The following MFSD6 variants were observed in gnomAD, a reference collection of about 807,000 sequenced individuals.
The protein encoded by MFSD6 is major facilitator superfamily domain-containing protein 6.
Under a neutral mutation model 56.3 loss-of-function variants are expected in MFSD6, and 26 were observed. The ratio of observed to expected loss-of-function variants is 0.46; its 90% confidence interval spans 0.34 to 0.64. The LOEUF (loss-of-function observed/expected upper bound fraction) is 0.64. Ranked by LOEUF, MFSD6 falls within the 30% of genes least tolerant of loss-of-function variation. The probability of loss-of-function intolerance (pLI) is 0.01; values close to 1 mark genes in which losing one functional copy is unlikely to be tolerated. For synonymous variants in MFSD6, 331 were observed against 366.9 expected (o/e 0.90, Z 1.12); for missense variants, 750 against 986.2 (o/e 0.76, Z 3.21).
chr2:190,493,734 C>T (rs1383806282), intron 6 of MFSD6, among the ~76,000 whole-genome samples: 1 of 152,070 alleles, frequency 6.6e-6, no homozygotes, highest in Non-Finnish European at 1.5e-5. Context: ...CAAAACCATG[C>T]AAATAAATGG....
chr2:190,467,740 A>G lies in MFSD6; in HGVS notation c.1533-2018A>G, dbSNP rs553070866. ...AGAATAATAGTTTCTACATGTTTAAATGGTTGAAAAAAAACACAAGAAGAA... is the reference window on the plus strand; with the variant it reads ...AGAATAATAGTTTCTACATGTTTAAGTGGTTGAAAAAAAACACAAGAAGAA... On this transcript the variant is annotated intron_variant, in intron 3 of 7. Coordinates refer to ENST00000392328, the MANE Select transcript of MFSD6 (RefSeq NM_017694.4). This position sits in a 1 kb window ranked among gnomAD's most constrained non-coding sequence, Gnocchi z 5.5. Among the ~76,000 whole-genome samples, 1 of 152,268 alleles carries G rather than the reference A, an allele frequency of 6.6e-6. No individual in the cohort carries two copies. The highest frequency in any genetic ancestry group is 1.5e-5 in the Non-Finnish European group (1 of 68,022).
At chr2:190,472,297 G>GGAAGAAGTTCAAACCCATGGC (rs764258795) in intron 4 of MFSD6, among the ~76,000 whole-genome samples, 68 of 152,182 alleles carry the variant, frequency 4.5e-4, no homozygotes, top group Non-Finnish European at 7.9e-4. Flanking sequence ...CCGAGCTAAA[G>GGAAGAAGTTCAAACCCATGGC]GAAGAAGTTC....
In MFSD6 at chr2:190,494,770, G is replaced by A. The variant is rs527695468; in HGVS notation, c.1892-2669G>A. ...AAATCACATGATCATCTCAGTAGAC[G>A]CAGAAAAAGCATTTGATGAAATCCA... On this transcript the variant is annotated intron_variant, in intron 6 of 7. Coordinates refer to ENST00000392328, the MANE Select transcript of MFSD6 (RefSeq NM_017694.4). This position sits in a 1 kb window ranked among gnomAD's most constrained non-coding sequence, Gnocchi z 5.7. Among the ~76,000 whole-genome samples, 6 of 152,194 alleles carry A rather than the reference G, an allele frequency of 3.9e-5. No individual in the cohort carries two copies. The highest frequency in any genetic ancestry group is 9.6e-5 in the African/African-American group (4 of 41,522).
At position 190,490,527 on chromosome 2, in the gene MFSD6, C is replaced by T. The variant is rs113128130; in HGVS notation, c.1891+661C>T. On this transcript the variant is annotated intron_variant, in intron 6 of 7. Transcript: ENST00000392328. This position sits in a 1 kb window ranked among gnomAD's most constrained non-coding sequence, Gnocchi z 4.5. The stretch of plus-strand genomic sequence containing the variant: ...GCAGTGAGCCGAGATAGCACCACTG[C>T]AGTCCAGCCTGGGGGAACGAGCAAG... Among the ~76,000 whole-genome samples the T allele has an allele frequency of 0.018, 2,773 of 151,638 alleles. 41 individuals are homozygous for T. Among genetic ancestry groups the T allele is most frequent in the Middle Eastern group, 0.031 (9 of 292 alleles).
At chr2:190,446,571 A>C (rs561744704) in intron 3 of MFSD6, among the ~76,000 whole-genome samples, 1 of 152,324 alleles carries the variant, frequency 6.6e-6, no homozygotes, top group South Asian at 2.1e-4. Flanking sequence ...AGTGTCATGA[A>C]GTTTTTAAAA....
In MFSD6 at chr2:190,423,223, C is replaced by T. The variant is rs896969089; in HGVS notation, c.-54+7810C>T. 1.3e-5 allele frequency among the ~76,000 whole-genome samples: 2 copies of T among 152,156 alleles called. No homozygotes were observed. The highest frequency in any genetic ancestry group is 4.8e-5 in the African/African-American group (2 of 41,432). ...ACATTGAGGCAGTCAAGATACAGAACATTTCTCTCTGTCGCCACCAAGGTC... is the reference window on the plus strand; with the variant it reads ...ACATTGAGGCAGTCAAGATACAGAATATTTCTCTCTGTCGCCACCAAGGTC... On this transcript the variant is annotated intron_variant, in intron 2 of 7. Transcript: ENST00000392328. The surrounding 1 kb of genome is among the most constrained non-coding windows in gnomAD (Gnocchi z 4.3).
At position 190,413,984 on chromosome 2, in the gene MFSD6, G is replaced by A. The variant is rs1363795536; in HGVS notation, c.-175-1308G>A. Among the ~76,000 whole-genome samples, 1 of 152,104 alleles carries A rather than the reference G, an allele frequency of 6.6e-6. No individual in the cohort carries two copies. The highest frequency in any genetic ancestry group is 1.5e-5 in the Non-Finnish European group (1 of 68,018). On this transcript the variant is annotated intron_variant, in intron 1 of 7. Coordinates refer to ENST00000392328, the MANE Select transcript of MFSD6 (RefSeq NM_017694.4). This position sits in a 1 kb window ranked among gnomAD's most constrained non-coding sequence, Gnocchi z 4.1. The stretch of plus-strand genomic sequence containing the variant: ...ACAAAGTTAAGGTAGAACATACTTG[G>A]CCTCAAGGTACTTGGCTCAAGGTAG...
chr2:190,414,780 G>GA (rs890054929), intron 1 of MFSD6, among the ~76,000 whole-genome samples: 1 of 152,020 alleles, frequency 6.6e-6, no homozygotes, highest in African/African-American at 2.4e-5. Flanking sequence ...CCAAGTATAA[G>GA]AAAAAAATTA....
At chr2:190,475,365 A>C (rs1211085863) in intron 4 of MFSD6, among the ~76,000 whole-genome samples, 1 of 152,228 alleles carries the variant, frequency 6.6e-6, no homozygotes, top group African/African-American at 2.4e-5. Flanking sequence ...ACTTCAGCAA[A>C]GTCTCAGGAT....
At chr2:190,483,407 CTAATA>C in intron 4 of MFSD6, among the ~76,000 whole-genome samples, 2 of 152,308 alleles carry the variant, frequency 1.3e-5, no homozygotes, top group Admixed American at 1.3e-4. Context: ...GACAAGGCAT[CTAATA>C]TCTCTGTGCC....
chr2:190,451,729 A>G lies in MFSD6; in HGVS notation c.1532+14168A>G, dbSNP rs1471358849. Among the ~76,000 whole-genome samples, 1 of 152,206 alleles carries G rather than the reference A, an allele frequency of 6.6e-6. No individual in the cohort carries two copies. The highest frequency in any genetic ancestry group is 1.5e-5 in the Non-Finnish European group (1 of 68,024). On this transcript the variant is annotated intron_variant, in intron 3 of 7. Transcript: ENST00000392328. This position sits in a 1 kb window ranked among gnomAD's most constrained non-coding sequence, Gnocchi z 5.0. ...ATCTTGGGGACAGAGAAAACCACAC[A>G]TGTGAATGGCCAGGGAGAGGGTAAT...
chr2:190,420,888 T>C (rs7596573), intron 2 of MFSD6, among the ~76,000 whole-genome samples: 69,547 of 152,018 alleles, frequency 0.46, 16,335 homozygotes, highest in Admixed American at 0.61. Context: ...TTGAAATTCA[T>C]ATAAAAGTTA....
intron 4 of MFSD6, among the ~76,000 whole-genome samples, 161 bp downstream of exon 4, chr2:190,470,016 G>C (rs1687827243): frequency 6.6e-6 from 1 of 152,180 alleles, no homozygotes; most frequent in Admixed American, 6.5e-5. Context: ...CAGGAGGGAT[G>C]GTTCCTTGGT....
chr2:190,483,360 A>C (rs1266997653), intron 4 of MFSD6, among the ~76,000 whole-genome samples: 1 of 152,200 alleles, frequency 6.6e-6, no homozygotes, highest in Non-Finnish European at 1.5e-5. Context: ...CTTGGGTTCA[A>C]ATCCTATTCA....
At position 190,437,534 on chromosome 2, in the gene MFSD6, A is replaced by G; in HGVS notation, c.1505A>G (p.Lys502Arg). The change falls in exon 3 of 8, where the codon AAG becomes AGG. Residue 502 changes from lysine to arginine, a missense_variant. Lys to Arg is a conservative substitution (Grantham distance 26, BLOSUM62 2). Transcript: ENST00000392328. This position sits in a 1 kb window ranked among gnomAD's most constrained non-coding sequence, Gnocchi z 5.9. Reference sequence around the variant, plus strand: ...CTGACAGCATATTTTTTTAGTCACAAGCTTATTGAATTGATCGGCCACATC... The same window carrying G: ...CTGACAGCATATTTTTTTAGTCACAGGCTTATTGAATTGATCGGCCACATC... ...SELTAYFFSH[K>R]LIELIGHIRV... 6.2e-7 allele frequency: 1 copy of G among 1,613,922 alleles called. No homozygotes were observed. Among genetic ancestry groups the G allele is most frequent in the Non-Finnish European group, 8.5e-7 (1 of 1,179,848 alleles).
At position 190,497,633 on chromosome 2, in the gene MFSD6, G is replaced by A; in HGVS notation, c.2086G>A (p.Val696Met). ...PAWGVSSSPW[V>M]TFVYALYQIK... is the part of the protein sequence containing the mutation. ...CTGGGGAGTCAGCTCTTCTCCCTGG[G>A]TGACCTTTGTCTATGCACTCTACCA... The change falls in exon 7 of 8, where the codon GTG becomes ATG. Residue 696 changes from valine to methionine, a missense_variant. By Grantham distance (21) the Val-to-Met change is conservative (BLOSUM62 1). This residue lies in a region of MFSD6 where 172 missense variants were observed against 203.9 expected (regional missense o/e 0.84). Transcript: ENST00000392328. The surrounding 1 kb of genome is among the most constrained non-coding windows in gnomAD (Gnocchi z 5.2). 2 of 1,614,096 alleles carry A rather than the reference G, an allele frequency of 1.2e-6. No individual in the cohort carries two copies.
rs774617266 is a variant in MFSD6 at position 190,436,719 on chromosome 2, A to G, written c.690A>G (p.Thr230=). The change falls in exon 3 of 8, where the codon ACA becomes ACG. Residue 230 remains threonine, a synonymous_variant. Coordinates refer to ENST00000392328, the MANE Select transcript of MFSD6 (RefSeq NM_017694.4). This position sits in a 1 kb window ranked among gnomAD's most constrained non-coding sequence, Gnocchi z 5.3. The part of the protein sequence containing the change: ...MNSEPTLQPQ[T]GEITNRMMDL... Reference sequence around the variant, plus strand: ...GTGAACCCACTCTGCAGCCCCAGACAGGTGAAATTACTAACCGTATGATGG... The same window carrying G: ...GTGAACCCACTCTGCAGCCCCAGACGGGTGAAATTACTAACCGTATGATGG... The G allele has an allele frequency of 6.2e-7, 1 of 1,614,248 alleles. No homozygotes were observed. The highest frequency in any genetic ancestry group is 8.5e-7 in the Non-Finnish European group (1 of 1,180,042).
rs1685871807 is a variant in MFSD6, at chr2:190,428,958, C to T, written c.-53-7019C>T. The stretch of plus-strand genomic sequence containing the variant: ...AAAGTGCTGGGATTACAGGTGTGAG[C>T]CACCATGCCCAGCCTCAATCTTTTT... On this transcript the variant is annotated intron_variant, in intron 2 of 7. Transcript: ENST00000392328. 1.3e-5 allele frequency among the ~76,000 whole-genome samples: 2 copies of T among 152,120 alleles called. 1 individual carries two copies. Among genetic ancestry groups the T allele is most frequent in the South Asian group, 4.1e-4 (2 of 4,826 alleles).
At chr2:190,449,255 C>G (rs915169656) in intron 3 of MFSD6, among the ~76,000 whole-genome samples, 1 of 152,160 alleles carries the variant, frequency 6.6e-6, no homozygotes, top group Non-Finnish European at 1.5e-5. Context: ...AGGTGGATCA[C>G]CTGAGGTCAG....
Sources: allele counts gnomAD v4.1 joint callset (sites outside exome capture counted in the v4.1 genomes callset), GRCh38; gene constraint gnomAD v4.1.1; regional missense constraint gnomAD v4.1.1; non-coding constraint Gnocchi (gnomAD v3.1); transcripts MANE v1.5; gene names NCBI Gene and HGNC (gene_info 2026-07-23, HGNC 2026-07-21).